The following FGF14 variants were observed in gnomAD, a reference collection of about 807,000 sequenced individuals.
The protein encoded by FGF14 is fibroblast growth factor homologous factor 4.
FGF14 carries 5 observed loss-of-function variants against 25.5 expected under a neutral mutation model. That is an observed-to-expected ratio of 0.20 (90% CI 0.10 to 0.41). The LOEUF (loss-of-function observed/expected upper bound fraction) is 0.41, where lower values mean the gene tolerates loss of function less well. Ranked by LOEUF, FGF14 falls within the 10% of genes least tolerant of loss-of-function variation. The pLI is 1.00. For synonymous variants in FGF14, 138 were observed against 118.3 expected (o/e 1.17, Z -1.08); for missense variants, 222 against 320.1 (o/e 0.69, Z 2.34).
intron 1 of FGF14, among the ~76,000 whole-genome samples, chr13:102,396,114 C>T (rs1226180485): frequency 9.2e-5 from 14 of 152,134 alleles, no homozygotes. Flanking sequence ...AAACCTTGTA[C>T]CTGGTACACA....
At chr13:101,751,842 T>G (rs2037299360) in intron 3 of FGF14, among the ~76,000 whole-genome samples, 1 of 151,878 alleles carries the variant, frequency 6.6e-6, no homozygotes, top group Non-Finnish European at 1.5e-5. Context: ...AAATATAGCA[T>G]TCATGGGATT....
intron 1 of FGF14, among the ~76,000 whole-genome samples, chr13:101,927,984 C>T (rs530329782): frequency 1.3e-5 from 2 of 152,180 alleles, no homozygotes; most frequent in African/African-American, 4.8e-5. Flanking sequence ...TCCCGTTTCC[C>T]TCTTTCATCC....
At chr13:101,984,960 G>A (rs1183904046) in intron 1 of FGF14, among the ~76,000 whole-genome samples, 1 of 151,866 alleles carries the variant, frequency 6.6e-6, no homozygotes, top group African/African-American at 2.4e-5. Flanking sequence ...AAAACTTTGT[G>A]ATTTTATAAG....
At chr13:101,872,176 T>G (rs1205994478) in intron 2 of FGF14, among the ~76,000 whole-genome samples, 1 of 151,834 alleles carries the variant, frequency 6.6e-6, no homozygotes, top group African/African-American at 2.4e-5. Context: ...GCTATCTGGG[T>G]GAGTTTTTGG....
At chr13:102,090,589 T>C (rs2044120737) in intron 1 of FGF14, among the ~76,000 whole-genome samples, 1 of 152,236 alleles carries the variant, frequency 6.6e-6, no homozygotes, top group South Asian at 2.1e-4. Context: ...CTGACTGTAA[T>C]GGTCACTCAG....
chr13:102,057,739 T>C lies in FGF14; in HGVS notation c.209-182443A>G, dbSNP rs115560451. 8.4e-3 allele frequency among the ~76,000 whole-genome samples: 1,286 copies of C among 152,270 alleles called. 18 individuals carry two copies. Among genetic ancestry groups the C allele is most frequent in the African/African-American group, 0.029 (1,201 of 41,564 alleles). On this transcript the variant is annotated intron_variant, in intron 1 of 4. Coordinates refer to the FGF14 transcript ENST00000376131. ...GCATAATTCAGTGCTGACTGAAAAA[T>C]ATTTCTTGAATAAAGGAATAGATAA...
At chr13:102,374,450 T>C (rs2057974737) in intron 1 of FGF14, among the ~76,000 whole-genome samples, 1 of 151,638 alleles carries the variant, frequency 6.6e-6, no homozygotes, top group Admixed American at 6.6e-5. Context: ...GGAGTATGTT[T>C]GCAGTCTAAG....
At chr13:102,202,696 C>T (rs1237223775) in intron 1 of FGF14, among the ~76,000 whole-genome samples, 1 of 152,164 alleles carries the variant, frequency 6.6e-6, no homozygotes, top group Non-Finnish European at 1.5e-5. Flanking sequence ...ACCTAGTGTG[C>T]TTAGAGTTAT....
intron 1 of FGF14, among the ~76,000 whole-genome samples, chr13:102,217,396 TAAAGA>T (rs1051479398): frequency 2.6e-4 from 39 of 152,328 alleles, no homozygotes; most frequent in Non-Finnish European, 4.4e-4. Context: ...ATTTCTGTTC[TAAAGA>T]AAACAGTAGT....
chr13:101,802,033 GTC>G, intron 3 of FGF14: 1 of 412,168 alleles, frequency 2.4e-6, no homozygotes, highest in Non-Finnish European at 4.7e-6. Context: ...GAAAGACAGT[GTC>G]TAGGAAAGAT....
intron 1 of FGF14, among the ~76,000 whole-genome samples, chr13:102,205,750 C>A (rs2049879133): frequency 8.4e-6 from 1 of 118,754 alleles, no homozygotes; most frequent in Non-Finnish European, 1.7e-5. Context: ...AAAAAAAAAA[C>A]CTCCATAAAT....
At chr13:101,994,246 T>A (rs2039061648) in intron 1 of FGF14, among the ~76,000 whole-genome samples, 1 of 152,030 alleles carries the variant, frequency 6.6e-6, no homozygotes, top group South Asian at 2.1e-4. Flanking sequence ...GTACAGTTCA[T>A]TCTAGTTTCC....
intron 1 of FGF14, among the ~76,000 whole-genome samples, chr13:102,357,400 C>G (rs548450383): frequency 4.6e-5 from 7 of 152,198 alleles, no homozygotes; most frequent in Admixed American, 3.3e-4. Flanking sequence ...CACGGAAGTT[C>G]TACCAATAGC....
intron 1 of FGF14, among the ~76,000 whole-genome samples, chr13:101,902,379 T>C (rs534846543): frequency 6.6e-6 from 1 of 152,298 alleles, no homozygotes; most frequent in African/African-American, 2.4e-5. Context: ...AAGAGGCTCA[T>C]ACGTTTCTTA....
chr13:101,978,411 A>G (rs749948770), intron 1 of FGF14, among the ~76,000 whole-genome samples: 1 of 152,216 alleles, frequency 6.6e-6, no homozygotes, highest in Admixed American at 6.5e-5. Flanking sequence ...GATTTTAATC[A>G]TAACTGCATG....
At chr13:101,972,733 TC>T (rs1448744347) in intron 1 of FGF14, among the ~76,000 whole-genome samples, 8 of 152,186 alleles carry the variant, frequency 5.3e-5, no homozygotes, top group Admixed American at 1.3e-4. Flanking sequence ...GGTCTCGAAC[TC>T]CCCAGCTCAA....
At chr13:101,823,499 G>A (rs986383707) in intron 3 of FGF14, among the ~76,000 whole-genome samples, 17 of 150,476 alleles carry the variant, frequency 1.1e-4, no homozygotes, top group Non-Finnish European at 2.2e-4. Flanking sequence ...GTGCAATGGC[G>A]CGATCTCGGC....
At chr13:101,857,637 C>T (rs1379871365) in intron 3 of FGF14, among the ~76,000 whole-genome samples, 1 of 151,986 alleles carries the variant, frequency 6.6e-6, no homozygotes, top group Non-Finnish European at 1.5e-5. Flanking sequence ...TGAAGTCAAA[C>T]TTAAAATGTA....
chr13:101,750,479 G>A (rs967537568), intron 3 of FGF14, among the ~76,000 whole-genome samples: 1 of 152,152 alleles, frequency 6.6e-6, no homozygotes, highest in African/African-American at 2.4e-5. Context: ...TTGAGGAAAG[G>A]TTCCAATTTT....
Sources: gnomAD v4.1 joint callset for allele counts (sites outside exome capture counted in the v4.1 genomes callset) on GRCh38, gnomAD v4.1.1 for gene constraint, MANE v1.5 for transcripts, NCBI Gene and HGNC (gene_info 2026-07-23, HGNC 2026-07-21) for gene names.